USP9Y: variants seen among roughly 807,000 people sequenced by gnomAD.
USP9Y encodes ubiquitin carboxyl-terminal hydrolase 9Y.
Under a neutral mutation model 53.1 loss-of-function variants are expected in USP9Y, and 41 were observed. The ratio of observed to expected loss-of-function variants is 0.77; its 90% CI spans 0.60 to 1.00. The LOEUF (loss-of-function observed/expected upper bound fraction) is 1.00. Among genes scored for constraint, USP9Y ranks in the 50% least tolerant of loss-of-function variants. The probability of loss-of-function intolerance (pLI) is 0.00; values close to 1 mark genes in which losing one functional copy is unlikely to be tolerated. For synonymous variants in USP9Y, 220 were observed against 173.7 expected (o/e 1.27, Z -2.09); for missense variants, 567 against 535.8 (o/e 1.06, Z -0.58).
intron 27 of USP9Y, among the ~76,000 whole-genome samples, chrY:12,804,345 G>T (rs2053521962): frequency 3.0e-5 from 1 of 33,659 alleles, no homozygotes; most frequent in Non-Finnish European, 7.3e-5. Context: ...ACATAAGCTG[G>T]TGATAGCCTT....
intron 27 of USP9Y, among the ~76,000 whole-genome samples, chrY:12,799,571 G>A (rs2053516678): frequency 3.0e-5 from 1 of 33,534 alleles, no homozygotes; most frequent in African/African-American, 1.2e-4. Context: ...TCTCCAAAGT[G>A]TTGTCTCTTT....
chrY:12,764,294 G>A, intron 15 of USP9Y, among the ~76,000 whole-genome samples: 1 of 32,997 alleles, frequency 3.0e-5, no homozygotes, highest in African/African-American at 1.2e-4. Context: ...CCTTTATGTT[G>A]ATTAAAATAA....
rs2053583315 is a variant in USP9Y at position 12,860,558 on chromosome Y, TAGA to T, written c.*1143_*1145del. 3.0e-5 allele frequency: 1 copy of T among 33,248 alleles called. No homozygotes were observed. Among genetic ancestry groups the T allele is most frequent in the African/African-American group, 1.2e-4 (1 of 8,544 alleles). The allele number at this position is 33,248 out of a possible 400,897, so 8.3% of individuals were successfully genotyped here. A position where few individuals can be genotyped will look rare whatever the true frequency, so the allele number is the denominator to read the frequency against. On this transcript the variant is annotated 3_prime_UTR_variant, in exon 46 of 46. Coordinates refer to ENST00000338981, the MANE Select transcript of USP9Y (RefSeq NM_004654.4). ...TTCATTATTCTAAAACTCTTGTTGT[TAGA>T]TACAAGATTTAATTAAGATCTAAGC...
intron 12 of USP9Y, among the ~76,000 whole-genome samples, chrY:12,747,348 A>G: frequency 3.0e-5 from 1 of 32,987 alleles, no homozygotes; most frequent in East Asian, 8.0e-4. Context: ...GAAAACAGAA[A>G]TTTCTCCCCA....
At chrY:12,822,166 G>T in intron 33 of USP9Y, among the ~76,000 whole-genome samples, 3 of 33,255 alleles carry the variant, frequency 9.0e-5, no homozygotes, top group Non-Finnish European at 2.2e-4. Flanking sequence ...AGCAATTTCT[G>T]TACTTTTTTG....
At chrY:12,746,969 G>C (rs2053461208) in intron 12 of USP9Y, among the ~76,000 whole-genome samples, 1 of 32,729 alleles carries the variant, frequency 3.1e-5, no homozygotes, top group Non-Finnish European at 7.5e-5. Context: ...TCCTGACCTC[G>C]TGATCCGCCT....
intron 15 of USP9Y, among the ~76,000 whole-genome samples, chrY:12,764,431 G>GA (rs2053478592): frequency 3.0e-5 from 1 of 33,552 alleles, no homozygotes; most frequent in Non-Finnish European, 7.4e-5. Context: ...TATACAAAGA[G>GA]AAAAATACTA....
chrY:12,780,474 C>T (rs762876365), intron 22 of USP9Y, among the ~76,000 whole-genome samples: 2 of 32,990 alleles, frequency 6.1e-5, no homozygotes, highest in South Asian at 6.7e-4. Context: ...TTCATTTTGC[C>T]GAAGCACACC....
chrY:12,810,186 C>T lies in USP9Y; in HGVS notation c.3991C>T (p.Arg1331Cys). The T allele has an allele frequency of 2.5e-6, 1 of 397,814 alleles. No homozygotes were observed. Among genetic ancestry groups the T allele is most frequent in the Non-Finnish European group, 3.5e-6 (1 of 282,833 alleles). The stretch of plus-strand genomic sequence containing the variant: ...ATTTTGTTTTTATTTCAGAACTGTT[C>T]GTCAGTTGGCACAGGAGCAGTTCTT... ...LLLHCPSKTV[R>C]QLAQEQFFLM... Residue 1331 changes from arginine to cysteine, a missense_variant, in exon 28 of 46, where the codon CGT becomes TGT. By Grantham distance (180) the Arg-to-Cys change is radical. Transcript: ENST00000338981.
chrY:12,820,615 T>C, intron 33 of USP9Y, among the ~76,000 whole-genome samples: 1 of 33,680 alleles, frequency 3.0e-5, no homozygotes, highest in Non-Finnish European at 7.4e-5. Context: ...TTTTACCTGT[T>C]TCAACTGTTT....
chrY:12,827,369 A>G, intron 33 of USP9Y, among the ~76,000 whole-genome samples: 1 of 33,005 alleles, frequency 3.0e-5, no homozygotes, highest in Non-Finnish European at 7.4e-5. Flanking sequence ...GGAAAATCAA[A>G]CTACGTCTCA....
chrY:12,749,773 G>A (rs755074075), intron 12 of USP9Y, among the ~76,000 whole-genome samples: 149 of 34,044 alleles, frequency 4.4e-3, no homozygotes, highest in Admixed American at 0.018. Flanking sequence ...TATCTGTCGT[G>A]AAACCAGAAT....
intron 3 of USP9Y, among the ~76,000 whole-genome samples, chrY:12,714,554 T>C: frequency 3.2e-5 from 1 of 30,916 alleles, no homozygotes; most frequent in Non-Finnish European, 7.8e-5. Context: ...TATTCTCCCA[T>C]GTCAGCCTCC....
Position 12,811,640 on chromosome Y carries a change from T to C in USP9Y, c.4245T>C (p.Asn1415=). 2.5e-6 allele frequency: 1 copy of C among 398,033 alleles called. No individual in the cohort carries two copies. The highest frequency in any genetic ancestry group is 3.5e-6 in the Non-Finnish European group (1 of 283,088). Residue 1415 remains asparagine (N), a synonymous_variant, in exon 30 of 46, where the codon AAT becomes AAC. Transcript: ENST00000338981. ...TAATATTTTTCCTTTTGCAGGATAA[T>C]GTTAAAAACACAGGTGAAACAGGTG... is the stretch of plus-strand genomic sequence containing the variant. ...EIDWLKRIRD[N]VKNTGETGVE...
At chrY:12,745,281 C>T in intron 12 of USP9Y, among the ~76,000 whole-genome samples, 1 of 33,971 alleles carries the variant, frequency 2.9e-5, no homozygotes, top group Non-Finnish European at 7.3e-5. Flanking sequence ...TATTTTTACA[C>T]AGGCCTTTTA....
Position 12,720,609 on chromosome Y carries a change from C to T in USP9Y, c.117C>T (p.Ser39=). 2.5e-6 allele frequency: 1 copy of T among 396,668 alleles called. No individual in the cohort carries two copies. The highest frequency in any genetic ancestry group is 3.0e-5 in the South Asian group (1 of 33,539). Residue 39 remains serine, a synonymous_variant, in exon 4 of 46, where the codon TCC becomes TCT. Coordinates refer to ENST00000338981, the MANE Select transcript of USP9Y (RefSeq NM_004654.4). ...QQNQTSSPDS[S]NENSVATPPP... is the part of the protein sequence containing the mutation. ...TTAAGACTTCATCACCTGATTCTTCCAATGAGAATTCCGTAGCAACTCCTC... is the reference window on the plus strand; with the variant it reads ...TTAAGACTTCATCACCTGATTCTTCTAATGAGAATTCCGTAGCAACTCCTC...
intron 33 of USP9Y, among the ~76,000 whole-genome samples, chrY:12,821,668 CTG>C (rs2053541770): frequency 7.4e-5 from 2 of 27,091 alleles, no homozygotes; most frequent in African/African-American, 3.0e-4. Context: ...TAGTCTCACT[CTG>C]TTACCCAGGC....
chrY:12,857,033 T>A, intron 44 of USP9Y, 188 bp downstream of exon 44: 3 of 135,879 alleles, frequency 2.2e-5, no homozygotes, highest in Middle Eastern at 1.8e-3. Flanking sequence ...TTGGAAAAAA[T>A]TTCTGTGAAA....
At chrY:12,784,314 C>A (rs2053499975) in intron 22 of USP9Y, among the ~76,000 whole-genome samples, 1 of 33,250 alleles carries the variant, frequency 3.0e-5, no homozygotes. Context: ...CTTTTTATTT[C>A]TTAAGGTAGA....
Sources: allele counts gnomAD v4.1 joint callset (sites outside exome capture counted in the v4.1 genomes callset), GRCh38; gene constraint gnomAD v4.1.1; transcripts MANE v1.5; gene names NCBI Gene and HGNC (gene_info 2026-07-23, HGNC 2026-07-21).